Variants in ODF2 observed in about 807,000 individuals in gnomAD.
ODF2 encodes the protein outer dense fiber protein 2.
Under a neutral mutation model 110.2 loss-of-function variants are expected in ODF2, and 47 were observed. The observed-to-expected ratio is 0.43, with a 90% CI of 0.34 to 0.54. The LOEUF is 0.54. Ranked by LOEUF, ODF2 falls within the 20% of genes least tolerant of loss-of-function variation. The pLI is 0.03. For synonymous variants in ODF2, 352 were observed against 397.7 expected, an observed-to-expected ratio of 0.89 and a Z score of 1.37; for missense variants, 812 against 1,054.5, an observed-to-expected ratio of 0.77 and a Z score of 3.19.
intron 1 of ODF2, chr9:128,456,683 CA>C: frequency 7.0e-7 from 1 of 1,423,948 alleles, no homozygotes. Flanking sequence ...CTCCACATGG[CA>C]GTCACTTGTA....
chr9:128,475,011 C>A (rs541730654), intron 8 of ODF2, among the ~76,000 whole-genome samples: 1 of 151,782 alleles, frequency 6.6e-6, no homozygotes, highest in South Asian at 2.1e-4. Flanking sequence ...CAAATATAGT[C>A]GACCCTCTGT....
intron 4 of ODF2, among the ~76,000 whole-genome samples, chr9:128,468,127 T>G (rs570087171): frequency 3.9e-5 from 6 of 152,298 alleles, no homozygotes; most frequent in Non-Finnish European, 7.4e-5. Context: ...CCTAAGAGCA[T>G]TTCTTAATAT....
intron 16 of ODF2, among the ~76,000 whole-genome samples, chr9:128,493,489 A>G (rs181349581): frequency 1.3e-3 from 205 of 152,334 alleles, no homozygotes; most frequent in Non-Finnish European, 2.2e-3. Flanking sequence ...TTCATTCTAT[A>G]TGGTGTCCTT....
intron 9 of ODF2, 131 bp from the exon 10 acceptor site, chr9:128,482,685 A>G: frequency 3.6e-6 from 2 of 561,018 alleles, no homozygotes; most frequent in Non-Finnish European, 6.4e-6. Context: ...TTCCTACCAG[A>G]ATCTCTGACA....
At chr9:128,482,422 CATT>C (rs1420535820) in intron 9 of ODF2, among the ~76,000 whole-genome samples, 2 of 151,994 alleles carry the variant, frequency 1.3e-5, no homozygotes, top group African/African-American at 4.8e-5. Context: ...GATTTAATCA[CATT>C]ATGGTAAACA....
chr9:128,469,616 T>C, intron 5 of ODF2: 2 of 496,334 alleles, frequency 4.0e-6, no homozygotes, highest in Non-Finnish European at 7.2e-6. Flanking sequence ...TACAACAGCA[T>C]GTGAAGCCAG....
At chr9:128,471,171 C>T in intron 5 of ODF2, 137 bp from the exon 6 acceptor site, 2 of 824,922 alleles carry the variant, frequency 2.4e-6, no homozygotes, top group Admixed American at 3.1e-5. Flanking sequence ...ACCTTGGCCT[C>T]CCAAAGTGCT....
chr9:128,480,968 G>C (rs990711335), intron 8 of ODF2, among the ~76,000 whole-genome samples: 2 of 152,006 alleles, frequency 1.3e-5, no homozygotes, highest in African/African-American at 2.4e-5. Context: ...CAGAGAAACA[G>C]TATTTCAATA....
chr9:128,461,426 CT>C (rs960735274), intron 4 of ODF2: 29 of 194,238 alleles, frequency 1.5e-4, no homozygotes, highest in African/African-American at 6.5e-4. Context: ...CTTTTCTTTT[CT>C]TTTCTTTTTG....
chr9:128,477,887 T>C (rs1285086611), intron 8 of ODF2, among the ~76,000 whole-genome samples: 1 of 151,822 alleles, frequency 6.6e-6, no homozygotes, highest in Non-Finnish European at 1.5e-5. Context: ...GGGTGAGCCA[T>C]TGTGCCCGGC....
intron 18 of ODF2, chr9:128,497,437 AAAAAAAAAAATATATATAT>A (rs1405140108): frequency 2.1e-5 from 2 of 97,484 alleles, no homozygotes; most frequent in African/African-American, 5.3e-5. Flanking sequence ...AAAAAAAAAA[AAAAAAAAAAATATATATAT>A]ATATATATAT....
chr9:128,490,462 T>C (rs936482128), intron 14 of ODF2, among the ~76,000 whole-genome samples: 1 of 152,084 alleles, frequency 6.6e-6, no homozygotes, highest in African/African-American at 2.4e-5. Context: ...TTTTGTATTT[T>C]TAGTAAGAGA....
chr9:128,461,022 G>C, exon 4 of ODF2: 1 of 1,614,100 alleles, frequency 6.2e-7, no homozygotes, highest in Non-Finnish European at 8.5e-7. Flanking sequence ...TACCTTGGAT[G>C]CCCCCTGGAA....
At position 128,480,772 on chromosome 9, in the gene ODF2, G is replaced by A. The variant is rs561154239; in HGVS notation, c.844-808G>A. On this transcript the variant is annotated intron_variant, in intron 8 of 20. Coordinates refer to ENST00000604420, the Ensembl canonical transcript of ODF2. ...GCAGAGGTTGCAGTGAGCCGAGATC[G>A]TGCCATCGCACTCCAGCCTGGGGGA... Among the ~76,000 whole-genome samples the A allele has an allele frequency of 2.0e-3, 297 of 152,206 alleles. 1 individual carries two copies. Among genetic ancestry groups the A allele is most frequent in the African/African-American group, 6.8e-3 (282 of 41,520 alleles).
chr9:128,462,280 A>G (rs1481925511), intron 4 of ODF2, among the ~76,000 whole-genome samples: 1 of 151,412 alleles, frequency 6.6e-6, no homozygotes, highest in Non-Finnish European at 1.5e-5. Flanking sequence ...CCTGCTGAGT[A>G]GCTAGGATTA....
chr9:128,496,027 TC>T lies in ODF2; in HGVS notation c.1912-12del. On this transcript the variant is annotated splice_polypyrimidine_tract_variant and intron_variant, in intron 17 of 20. Coordinates refer to ENST00000604420, the Ensembl canonical transcript of ODF2. ...AATTCCTTTGTAAACCAGTCTGTGT[TC>T]CTGTCATTTTAGATCGAACACCAGG... The T allele has an allele frequency of 6.2e-7, 1 of 1,613,676 alleles. No homozygotes were observed. Among genetic ancestry groups the T allele is most frequent in the Non-Finnish European group, 8.5e-7 (1 of 1,179,876 alleles).
chr9:128,498,947 A>G (rs1846100832), intron 19 of ODF2, 54 bp from the exon 20 acceptor site: 4 of 1,608,406 alleles, frequency 2.5e-6, no homozygotes, highest in African/African-American at 2.7e-5. Flanking sequence ...CTCTTTGCCA[A>G]GTGTTCCCCA....
At chr9:128,458,379 T>C (rs542852687) in intron 2 of ODF2, among the ~76,000 whole-genome samples, 2 of 151,612 alleles carry the variant, frequency 1.3e-5, no homozygotes, top group East Asian at 1.9e-4. Flanking sequence ...GGAGAATTGC[T>C]TGAAGCCAGG....
chr9:128,455,355 T>C (rs1446573941), upstream of ODF2: 2 of 709,730 alleles, frequency 2.8e-6, no homozygotes, highest in Admixed American at 3.0e-5. Context: ...ATGGAGACTA[T>C]CCTGCCCAAC....
Sources: gnomAD v4.1 joint callset for allele counts (sites outside exome capture counted in the v4.1 genomes callset) on GRCh38, gnomAD v4.1.1 for gene constraint, MANE v1.5 for transcripts, NCBI Gene and HGNC (gene_info 2026-07-23, HGNC 2026-07-21) for gene names.